Variants in LILRB4 observed in about 807,000 individuals in gnomAD.
The protein encoded by LILRB4 is leukocyte immunoglobulin like receptor B4.
In LILRB4, 49 loss-of-function variants were observed where a neutral mutation model predicts 55.2. That is an observed-to-expected ratio of 0.89 (90% CI 0.71 to 1.13). The LOEUF (loss-of-function observed/expected upper bound fraction) is 1.13. Ranked by LOEUF, LILRB4 falls within the 50% of genes most tolerant of loss-of-function variation. LILRB4 has a pLI of 0.00. For missense variants in LILRB4, 590 were observed against 555.2 expected (o/e 1.06, Z -0.63); for synonymous variants, 229 against 213.8 (o/e 1.07, Z -0.62).
In LILRB4 at chr19:54,667,623, GTC is replaced by G. The variant is rs2065345042; in HGVS notation, c.1042-8_1042-7del. ...GGATTCAAGGACACCCCCCACCACT[GTC>G]TCTCTCCAGCAGAGCCCACACGATG... On this transcript the variant is annotated splice_polypyrimidine_tract_variant and intron_variant, in intron 10 of 11. Transcript: ENST00000430952. 6.2e-7 allele frequency: 1 copy of G among 1,610,906 alleles called. No homozygotes were observed. The highest frequency in any genetic ancestry group is 8.5e-7 in the Non-Finnish European group (1 of 1,179,470).
rs528364313 is a variant in LILRB4 at position 54,668,184 on chromosome 19, A to T, written c.*165A>T. 4.1e-5 allele frequency: 29 copies of T among 701,692 alleles called. 1 individual carries two copies. In the South Asian group the frequency reaches 5.7e-4, roughly 14 times the overall value. 43.5% of individuals were successfully genotyped at this position (701,692 alleles called of 1,614,324 possible). A position where few individuals can be genotyped will look rare whatever the true frequency, so the allele number is the denominator to read the frequency against. ...GAGTCACCTGATTCTGCAAAGATAA[A>T]TAATATCCCTGCATTATCAAAATAA... On this transcript the variant is annotated 3_prime_UTR_variant, in exon 12 of 12. Coordinates refer to ENST00000430952, the Ensembl canonical transcript of LILRB4.
exon 3 of LILRB4, chr19:54,663,941 A>G (rs370654051): frequency 5.6e-6 from 9 of 1,614,008 alleles, no homozygotes; most frequent in African/African-American, 1.3e-5. Context: ...TCTCCATCCC[A>G]TCCATGACAG....
intron 2 of LILRB4, 66 bp downstream of exon 2, chr19:54,663,633 G>C: frequency 1.2e-6 from 2 of 1,612,104 alleles, no homozygotes; most frequent in Non-Finnish European, 1.7e-6. Context: ...CCCATGGGCA[G>C]CTGGGGGAGG....
rs1306627120 is a variant in LILRB4, at chr19:54,666,631, A to G, written c.989-66A>G. On this transcript the variant is annotated intron_variant, in intron 9 of 11. Coordinates refer to ENST00000430952, the Ensembl canonical transcript of LILRB4. The surrounding 1 kb of genome is among the most constrained non-coding windows in gnomAD (Gnocchi z 4.8). ...TGGCACTAATGGGAACAGGGCAGGG[A>G]CCAGCAGGAATGAGAGGTCCCAGGG... The G allele has an allele frequency of 1.3e-6, 2 of 1,551,726 alleles. No homozygotes were observed. Among genetic ancestry groups the G allele is most frequent in the Non-Finnish European group, 1.8e-6 (2 of 1,128,564 alleles).
chr19:54,667,090 C>T, intron 10 of LILRB4: 1 of 616,710 alleles, frequency 1.6e-6, no homozygotes. Context: ...AGGGAGCTCA[C>T]TGTGGATGGG....
chr19:54,666,235 C>T lies in LILRB4; in HGVS notation c.875-5C>T. 6.3e-7 allele frequency: 1 copy of T among 1,588,566 alleles called. No individual in the cohort carries two copies. The highest frequency in any genetic ancestry group is 8.6e-7 in the Non-Finnish European group (1 of 1,168,452). On this transcript the variant is annotated splice_polypyrimidine_tract_variant and splice_region_variant and intron_variant, in intron 7 of 11. Coordinates refer to ENST00000430952, the Ensembl canonical transcript of LILRB4. The surrounding 1 kb of genome is among the most constrained non-coding windows in gnomAD (Gnocchi z 4.8). ...AGAGCTGAGACTCTGTCCATCTTCC[C>T]CCAGCCCAGAGACAGGCTGATTTCC...
At position 54,667,379 on chromosome 19, in the gene LILRB4, C is replaced by T. The variant is rs973899760; in HGVS notation, c.1042-259C>T. The stretch of plus-strand genomic sequence containing the variant: ...AGCCCCTGCAGGCAGAGGAAACAGC[C>T]GTGCAAAGGCCCCGAGGCAGCAGCG... On this transcript the variant is annotated intron_variant, in intron 10 of 11. Transcript: ENST00000430952. 1.2e-5 allele frequency: 8 copies of T among 692,464 alleles called. No individual in the cohort carries two copies. The Admixed American group carries it at 1.2e-4, about 10-fold the overall frequency. 42.9% of individuals were successfully genotyped at this position (692,464 alleles called of 1,614,324 possible).
In LILRB4 at chr19:54,664,519, G is replaced by A. The variant is rs763750103; in HGVS notation, c.655+34G>A. 8 of 1,564,952 alleles carry A rather than the reference G, an allele frequency of 5.1e-6. No homozygotes were observed. In the South Asian group the frequency reaches 6.1e-5, roughly 12 times the overall value. On this transcript the variant is annotated intron_variant, in intron 4 of 11. Transcript: ENST00000430952. ...CCTGACCCTGTCCTCTCTGAGCTCA[G>A]TGGCTCCGTTCATGCCCTGCTGCCA...
In LILRB4 at chr19:54,666,869, C is replaced by A; in HGVS notation, c.1041+120C>A. The stretch of plus-strand genomic sequence containing the variant: ...ATCGTCACGGTGGACCCCTCCTTGT[C>A]CAGCACGCTGCCTCCTGCCTGCTGG... On this transcript the variant is annotated intron_variant, in intron 10 of 11. Coordinates refer to ENST00000430952, the Ensembl canonical transcript of LILRB4. The surrounding 1 kb of genome is among the most constrained non-coding windows in gnomAD (Gnocchi z 4.8). The A allele has an allele frequency of 9.8e-7, 1 of 1,019,498 alleles. No individual in the cohort carries two copies. The highest frequency in any genetic ancestry group is 1.6e-6 in the Non-Finnish European group (1 of 638,390). The allele number at this position is 1,019,498 out of a possible 1,614,324, so 63.2% of individuals were successfully genotyped here.
chr19:54,666,563 T>C lies in LILRB4; in HGVS notation c.988+127T>C, dbSNP rs8101621. ...CAGGGAGAAGTGGTCTGAACCCACA[T>C]TGTGGGACCTCGGGGACATCACAGC... On this transcript the variant is annotated intron_variant, in intron 9 of 11. Coordinates refer to ENST00000430952, the Ensembl canonical transcript of LILRB4. The surrounding 1 kb of genome is among the most constrained non-coding windows in gnomAD (Gnocchi z 4.8). 1.6e-3 allele frequency: 2,313 copies of C among 1,426,962 alleles called. 33 individuals carry two copies. In the African/African-American group the frequency reaches 0.027, roughly 17 times the overall value. The allele number at this position is 1,426,962 out of a possible 1,614,324, so 88.4% of individuals were successfully genotyped here.
chr19:54,663,926 C>T (rs1395057548), exon 3 of LILRB4: 2 of 1,614,018 alleles, frequency 1.2e-6, no homozygotes, highest in African/African-American at 1.3e-5. Flanking sequence ...AGAACAAGGC[C>T]AGATTCTCCA....
exon 11 of LILRB4, chr19:54,667,648 A>G (rs139641052): frequency 1.6e-4 from 258 of 1,610,682 alleles, no homozygotes; most frequent in Admixed American, 3.3e-4. Context: ...AGCCCACACG[A>G]TGAAGACCCC....
At chr19:54,664,909 T>C in intron 5 of LILRB4, 60 bp downstream of exon 5, 1 of 1,505,070 alleles carries the variant, frequency 6.6e-7, no homozygotes, top group Non-Finnish European at 9.2e-7. Flanking sequence ...TCTCAAGACA[T>C]GCTCAGTGGA....
Position 54,665,798 on chromosome 19 carries a change from A to G in LILRB4, c.758-17A>G, listed in dbSNP as rs369807991. 1.8e-4 allele frequency: 280 copies of G among 1,587,008 alleles called. 1 individual carries two copies. The African/African-American group carries it at 3.5e-3, about 20-fold the overall frequency. On this transcript the variant is annotated splice_polypyrimidine_tract_variant and intron_variant, in intron 6 of 11. Coordinates refer to ENST00000430952, the Ensembl canonical transcript of LILRB4. This position sits in a 1 kb window ranked among gnomAD's most constrained non-coding sequence, Gnocchi z 5.5. ...ATCAATGACATCATCCCCATTCCTG[A>G]TGTCATCACGCCCAAGGTCTGAGAA...
chr19:54,665,043 C>A lies in LILRB4; in HGVS notation c.707-87C>A. The A allele has an allele frequency of 1.3e-6, 2 of 1,542,290 alleles. No individual in the cohort carries two copies. Among genetic ancestry groups the A allele is most frequent in the Non-Finnish European group, 1.8e-6 (2 of 1,120,142 alleles). On this transcript the variant is annotated intron_variant, in intron 5 of 11. Transcript: ENST00000430952. The surrounding 1 kb of genome is among the most constrained non-coding windows in gnomAD (Gnocchi z 5.5). ...CTGGGCTGGTGAGGGGTGAGGGGGT[C>A]AAGGCTGAAGGAGATGTTGCGGGGA...
At chr19:54,663,856 A>G (rs2065131589) in exon 3 of LILRB4, 9 of 1,614,132 alleles carry the variant, frequency 5.6e-6, no homozygotes, top group Non-Finnish European at 6.8e-6. Context: ...GCTCGGGAGT[A>G]CCGTCTGGAT....
chr19:54,664,768 A>C (rs1380813516), intron 4 of LILRB4, 31 bp from the exon 5 acceptor site: 2 of 1,515,202 alleles, frequency 1.3e-6, no homozygotes, highest in African/African-American at 2.8e-5. Flanking sequence ...GCAACCCCAG[A>C]CTCTCACCCT....
chr19:54,664,448 G>A (rs150625618), exon 4 of LILRB4: 27 of 1,612,044 alleles, frequency 1.7e-5, no homozygotes, highest in Admixed American at 3.3e-5. Context: ...ACTACCTGCT[G>A]TCACACCCCA....
chr19:54,663,923 G>A, exon 3 of LILRB4: 1 of 1,614,154 alleles, frequency 6.2e-7, no homozygotes, highest in Non-Finnish European at 8.5e-7. Context: ...CCAAGAACAA[G>A]GCCAGATTCT....
Sources: allele counts gnomAD v4.1 joint callset, GRCh38; gene constraint gnomAD v4.1.1; non-coding constraint Gnocchi (gnomAD v3.1); transcripts MANE v1.5; gene names NCBI Gene and HGNC (gene_info 2026-07-23, HGNC 2026-07-21).